The following ERO1B variants were observed in gnomAD, a reference collection of about 807,000 sequenced individuals.
The protein encoded by ERO1B is endoplasmic reticulum oxidoreductase 1 beta, also known as ERO1-like protein beta.
ERO1B carries 49 observed loss-of-function variants against 75.3 expected under a neutral mutation model. The observed-to-expected ratio is 0.65, with a 90% CI of 0.52 to 0.83. ERO1B has a LOEUF of 0.83. Among genes scored for constraint, ERO1B ranks in the 40% least tolerant of loss-of-function variants. The pLI is 0.00. For missense variants in ERO1B, 512 were observed against 560.1 expected (o/e 0.91, Z 0.87); for synonymous variants, 191 against 192.9 (o/e 0.99, Z 0.08).
chr1:236,234,947 T>G (rs61704925), intron 8 of ERO1B, among the ~76,000 whole-genome samples: 8,031 of 152,272 alleles, frequency 0.053, 583 homozygotes, highest in East Asian at 0.39. Flanking sequence ...TAGCCACATT[T>G]TTAAAATTCA....
rs1218642025 is a variant in ERO1B at position 236,239,911 on chromosome 1, A to ATTTTTTTTT, written c.505+3502_505+3510dup. 1.4e-4 allele frequency among the ~76,000 whole-genome samples: 15 copies of ATTTTTTTTT among 106,944 alleles called. 1 individual carries two copies. The highest frequency in any genetic ancestry group is 6.9e-4 in the East Asian group (2 of 2,904). The allele number at this position is 106,944 out of a possible 152,430, so 70.2% of individuals were successfully genotyped here. A position where few individuals can be genotyped will look rare whatever the true frequency, so the allele number is the denominator to read the frequency against. On this transcript the variant is annotated intron_variant, in intron 6 of 15. Transcript: ENST00000354619. ...TGTGTGTATATATATATATATATAT[A>ATTTTTTTTT]TTTTTTTTTTTTGCGATGAGGCTGA...
intron 5 of ERO1B, among the ~76,000 whole-genome samples, chr1:236,244,824 A>G (rs147129620): frequency 1.3e-5 from 2 of 150,966 alleles, no homozygotes; most frequent in African/African-American, 4.9e-5. Context: ...CAGCTTTTCC[A>G]AATGTCAGTT....
intron 1 of ERO1B, chr1:236,281,363 G>T: frequency 4.5e-6 from 1 of 221,362 alleles, no homozygotes; most frequent in Non-Finnish European, 8.8e-6. Flanking sequence ...GTTCATGCCC[G>T]TCCCATCTCC....
intron 5 of ERO1B, among the ~76,000 whole-genome samples, chr1:236,247,866 G>A (rs967235572): frequency 1.3e-5 from 2 of 151,942 alleles, no homozygotes; most frequent in Admixed American, 1.3e-4. Context: ...TCATCCCCCA[G>A]CCAACCATAG....
In ERO1B at chr1:236,218,321, A is replaced by ATATACTTTTAAAACATGTAAGT; in HGVS notation, c.*194_*195insACTTACATGTTTTAAAAGTATA. 2 of 327,456 alleles carry ATATACTTTTAAAACATGTAAGT rather than the reference A, an allele frequency of 6.1e-6. No individual in the cohort carries two copies. Among genetic ancestry groups the ATATACTTTTAAAACATGTAAGT allele is most frequent in the Non-Finnish European group, 1.0e-5 (2 of 195,618 alleles). 20.3% of individuals were successfully genotyped at this position (327,456 alleles called of 1,614,324 possible). ...AGTATAACTTACATGTTTTAAAAGT[A>ATATACTTTTAAAACATGTAAGT]TATACTTCATTTATAAATATCTCTA... On this transcript the variant is annotated 3_prime_UTR_variant, in exon 16 of 16. Coordinates refer to ENST00000354619, the MANE Select transcript of ERO1B (RefSeq NM_019891.4).
At position 236,230,144 on chromosome 1, in the gene ERO1B, T is replaced by TCCTAGA. The variant is rs1558507328; in HGVS notation, c.712+74_712+79dup. 9.4e-6 allele frequency: 11 copies of TCCTAGA among 1,175,026 alleles called. No homozygotes were observed. In the African/African-American group the frequency reaches 1.7e-4, roughly 18 times the overall value. The allele number at this position is 1,175,026 out of a possible 1,614,324, so 72.8% of individuals were successfully genotyped here. ...AAAATTAGTTGACTAGGTAATAAAA[T>TCCTAGA]CCTAGACCTTACAAAAATATGCTAA... On this transcript the variant is annotated intron_variant, in intron 10 of 15. Coordinates refer to ENST00000354619, the MANE Select transcript of ERO1B (RefSeq NM_019891.4).
chr1:236,249,922 G>T lies in ERO1B; in HGVS notation c.394C>A (p.Gln132Lys), dbSNP rs1233651525. The change falls in exon 5 of 16, where the codon CAA becomes AAA. Residue 132 changes from glutamine to lysine, a missense_variant. Transcript: ENST00000354619. ...NNTKELEDCE[Q>K]ANKLGAINST... ...TTAATTGCTCCCAGTTTATTAGCTT[G>T]CTCACAATCTTCTAATTCTTTGGTA... is the stretch of plus-strand genomic sequence containing the variant. 1 of 1,602,680 alleles carries T rather than the reference G, an allele frequency of 6.2e-7. No homozygotes were observed. Among genetic ancestry groups the T allele is most frequent in the Middle Eastern group, 1.7e-4 (1 of 6,036 alleles).
rs201861662 is a variant in ERO1B, at chr1:236,258,918, CAT to C, written c.223-5415_223-5414del. Among the ~76,000 whole-genome samples the C allele has an allele frequency of 9.4e-3, 1,435 of 152,088 alleles. 22 individuals carry two copies. The highest frequency in any genetic ancestry group is 0.032 in the African/African-American group (1,330 of 41,460). On this transcript the variant is annotated intron_variant, in intron 2 of 15. Coordinates refer to ENST00000354619, the MANE Select transcript of ERO1B (RefSeq NM_019891.4). ...ATAAATAAATAAATAAATTAGAAAA[CAT>C]AAAACTCACTAGTAAAAGTAAGCAT...
At chr1:236,266,374 C>T (rs1458373134) in intron 2 of ERO1B, among the ~76,000 whole-genome samples, 3 of 152,134 alleles carry the variant, frequency 2.0e-5, no homozygotes, top group South Asian at 2.1e-4. Context: ...GAGGCCAAGG[C>T]GGGTGGATCA....
At chr1:236,223,232 T>C (rs1664199559) in intron 13 of ERO1B, among the ~76,000 whole-genome samples, 1 of 150,924 alleles carries the variant, frequency 6.6e-6, no homozygotes, top group African/African-American at 2.4e-5. Context: ...AAAGAGAAGT[T>C]TCCTACACTG....
Position 236,230,228 on chromosome 1 carries a change from T to C in ERO1B, c.708A>G (p.Leu236=), listed in dbSNP as rs756632698. Residue 236 remains leucine, a synonymous_variant, in exon 10 of 16, where the codon CTA becomes CTG. Coordinates refer to ENST00000354619, the MANE Select transcript of ERO1B (RefSeq NM_019891.4). Reference sequence around the variant, plus strand: ...AATTTAGAACAGACTGTTTACCTTCTAGCCATGTGTAGAATGATTCTCCTG... The same window carrying C: ...AATTTAGAACAGACTGTTTACCTTCCAGCCATGTGTAGAATGATTCTCCTG... ...EDDGESFYTW[L]EGLCLEKRVF... 17 of 1,592,790 alleles carry C rather than the reference T, an allele frequency of 1.1e-5. No individual in the cohort carries two copies. Among genetic ancestry groups the C allele is most frequent in the Non-Finnish European group, 1.4e-5 (16 of 1,163,044 alleles).
rs113776155 is a variant in ERO1B, at chr1:236,226,385, T to C, written c.936A>G (p.Arg312=). Residue 312 remains arginine (R), a synonymous_variant, in exon 12 of 16, where the codon CGA becomes CGG. Transcript: ENST00000354619. ...NLYFLYLIEL[R]ALSKVAPYFE... is the part of the protein sequence containing the mutation. ...AATATGGAGCCACCTTTGACAAAGCTCGAAGCTCAATCAAGTATAAAAAGT... is the reference window on the plus strand; with the variant it reads ...AATATGGAGCCACCTTTGACAAAGCCCGAAGCTCAATCAAGTATAAAAAGT... 3 of 1,614,136 alleles carry C rather than the reference T, an allele frequency of 1.9e-6. No homozygotes were observed. Among genetic ancestry groups the C allele is most frequent in the Non-Finnish European group, 2.5e-6 (3 of 1,180,006 alleles).
chr1:236,280,876 A>T (rs1304982937), intron 1 of ERO1B, among the ~76,000 whole-genome samples: 1 of 152,136 alleles, frequency 6.6e-6, no homozygotes, highest in Non-Finnish European at 1.5e-5. Context: ...AATCAATTCA[A>T]ATTCTACTGA....
At position 236,250,618 on chromosome 1, in the gene ERO1B, T is replaced by TATATATAG. The variant is rs1491338079; in HGVS notation, c.349-652_349-651insCTATATAT. Among the ~76,000 whole-genome samples, 33 of 110,252 alleles carry TATATATAG rather than the reference T, an allele frequency of 3.0e-4. 2 individuals carry two copies. The highest frequency in any genetic ancestry group is 4.6e-4 in the Non-Finnish European group (24 of 51,986). 72.3% of individuals were successfully genotyped at this position (110,252 alleles called of 152,430 possible). A position where few individuals can be genotyped will look rare whatever the true frequency, so the allele number is the denominator to read the frequency against. On this transcript the variant is annotated intron_variant, in intron 4 of 15. Transcript: ENST00000354619. ...ATATATATATATATATATATATATA[T>TATATATAG]CAAACGTGTGTGTGCAAACATATAT... is the stretch of plus-strand genomic sequence containing the variant.
At chr1:236,266,602 T>TC (rs1296727718) in intron 2 of ERO1B, among the ~76,000 whole-genome samples, 1 of 149,434 alleles carries the variant, frequency 6.7e-6, no homozygotes, top group Non-Finnish European at 1.5e-5. Flanking sequence ...AGACTCTGTC[T>TC]CAAAAAAAAA....
chr1:236,250,380 G>A (rs1664987040), intron 4 of ERO1B, among the ~76,000 whole-genome samples: 2 of 151,908 alleles, frequency 1.3e-5, no homozygotes, highest in Admixed American at 6.6e-5. Flanking sequence ...GCTGAGGCAG[G>A]AGAATTGCTT....
chr1:236,223,582 G>C (rs1435834513), intron 13 of ERO1B, among the ~76,000 whole-genome samples: 3 of 152,162 alleles, frequency 2.0e-5, no homozygotes, highest in Non-Finnish European at 4.4e-5. Flanking sequence ...AGATGGAAAA[G>C]GGACATAGGT....
At chr1:236,271,849 T>C (rs534449474) in intron 1 of ERO1B, among the ~76,000 whole-genome samples, 6 of 152,180 alleles carry the variant, frequency 3.9e-5, no homozygotes, top group Non-Finnish European at 8.8e-5. Flanking sequence ...TTCTTTCTTA[T>C]AAATTTTTCT....
Position 236,256,944 on chromosome 1 carries a change from G to A in ERO1B, c.223-3439C>T, listed in dbSNP as rs149908187. On this transcript the variant is annotated intron_variant, in intron 2 of 15. Coordinates refer to ENST00000354619, the MANE Select transcript of ERO1B (RefSeq NM_019891.4). ...GTTAAAAAGTCACCAGTTAGATCAA[G>A]AATACAGGCATCTGCCTCAGATGCT... Among the ~76,000 whole-genome samples the A allele has an allele frequency of 8.7e-3, 1,325 of 152,254 alleles. 13 individuals are homozygous for A. The highest frequency in any genetic ancestry group is 0.013 in the Non-Finnish European group (886 of 68,020).
Sources: gnomAD v4.1 joint callset for allele counts (sites outside exome capture counted in the v4.1 genomes callset) on GRCh38, gnomAD v4.1.1 for gene constraint, MANE v1.5 for transcripts, NCBI Gene and HGNC (gene_info 2026-07-23, HGNC 2026-07-21) for gene names.